Variants in NUP35 observed in about 807,000 individuals in gnomAD.
NUP35 encodes nucleoporin NUP35.
Under a neutral mutation model 41.5 loss-of-function variants are expected in NUP35, and 25 were observed. That is an observed-to-expected ratio of 0.60 (90% confidence interval 0.44 to 0.84). The LOEUF (loss-of-function observed/expected upper bound fraction) is 0.84. NUP35 is among the 40% of genes least tolerant of loss of function. NUP35 has a pLI of 0.00. For synonymous variants in NUP35, 149 were observed against 130.7 expected (o/e 1.14, Z -0.96); for missense variants, 396 against 396.6 (o/e 1.00, Z 0.01).
intron 1 of NUP35, among the ~76,000 whole-genome samples, chr2:183,127,037 A>T (rs1684514367): frequency 6.6e-6 from 1 of 152,208 alleles, no homozygotes; most frequent in South Asian, 2.1e-4. Context: ...CTGTTAGTGG[A>T]TGCTAGCTAT....
chr2:183,132,938 A>G (rs1442384657), intron 3 of NUP35, among the ~76,000 whole-genome samples: 2 of 152,186 alleles, frequency 1.3e-5, no homozygotes, highest in Admixed American at 6.5e-5. Context: ...TTTAATTAGA[A>G]TCTGTTTTAA....
rs376743272 is a variant in NUP35, at chr2:183,157,324, C to T, written c.540-120C>T. The T allele has an allele frequency of 1.8e-5, 14 of 774,810 alleles. No individual in the cohort carries two copies. In the East Asian group the frequency reaches 2.8e-4, roughly 15 times the overall value. The allele number at this position is 774,810 out of a possible 1,614,324, so 48.0% of individuals were successfully genotyped here. A position where few individuals can be genotyped will look rare whatever the true frequency, so the allele number is the denominator to read the frequency against. ...ATCGGGGAAAACAGGATGATCAGCA[C>T]TCTCCTGTTAACGTTCTAGACAGTT... On this transcript the variant is annotated intron_variant, in intron 5 of 8. Transcript: ENST00000295119.
At chr2:183,153,033 G>T (rs767041761) in intron 5 of NUP35, among the ~76,000 whole-genome samples, 1 of 152,192 alleles carries the variant, frequency 6.6e-6, no homozygotes. Context: ...TTACATGACG[G>T]TGTCAAGAGA....
chr2:183,121,396 G>C (rs374756361), upstream of NUP35, among the ~76,000 whole-genome samples: 3 of 152,244 alleles, frequency 2.0e-5, no homozygotes, highest in South Asian at 4.1e-4. Flanking sequence ...GGTAGGTGGA[G>C]GAGCAAGGCC....
chr2:183,154,012 G>T (rs1685561704), intron 5 of NUP35, among the ~76,000 whole-genome samples: 1 of 152,228 alleles, frequency 6.6e-6, no homozygotes, highest in Admixed American at 6.5e-5. Context: ...CCATGTGGAA[G>T]CTGCCAAGGC....
In NUP35 at chr2:183,130,963, A is replaced by G. The variant is rs943655471; in HGVS notation, c.339+418A>G. 7 of 1,218,362 alleles carry G rather than the reference A, an allele frequency of 5.7e-6. No homozygotes were observed. The African/African-American group carries it at 7.7e-5, about 13-fold the overall frequency. 75.5% of individuals were successfully genotyped at this position (1,218,362 alleles called of 1,614,324 possible). A position where few individuals can be genotyped will look rare whatever the true frequency, so the allele number is the denominator to read the frequency against. Reference sequence around the variant, plus strand: ...GGGCACTCGTCAGCTGAGAAGTAGTATGGACTTGTCTTTATTTTCTTCTTT... The same window carrying G: ...GGGCACTCGTCAGCTGAGAAGTAGTGTGGACTTGTCTTTATTTTCTTCTTT... On this transcript the variant is annotated intron_variant, in intron 3 of 8. Coordinates refer to ENST00000295119, the MANE Select transcript of NUP35 (RefSeq NM_138285.5).
At chr2:183,120,275 G>A (rs777285196), upstream of NUP35, among the ~76,000 whole-genome samples, 4 of 152,136 alleles carry the variant, frequency 2.6e-5, no homozygotes, top group South Asian at 4.2e-4. Flanking sequence ...GCAAAACCCT[G>A]TCTCTACTAA....
At chr2:183,124,539 T>C (rs768201424) in intron 1 of NUP35, 42 bp downstream of exon 1, 11 of 1,612,066 alleles carry the variant, frequency 6.8e-6, no homozygotes, top group Non-Finnish European at 9.3e-6. Context: ...CTGCCATCCA[T>C]GCTCTGGGCC....
intron 5 of NUP35, among the ~76,000 whole-genome samples, chr2:183,157,175 G>A (rs1243707227): frequency 6.6e-6 from 1 of 152,026 alleles, no homozygotes; most frequent in Non-Finnish European, 1.5e-5. Flanking sequence ...CTGGATAATG[G>A]CAACGAGAGT....
chr2:183,133,182 G>A (rs1344686110), intron 3 of NUP35, among the ~76,000 whole-genome samples: 24 of 152,016 alleles, frequency 1.6e-4, no homozygotes, highest in African/African-American at 7.2e-5. Context: ...AGTATCTGTT[G>A]AAAATCAAAT....
chr2:183,152,529 A>G (rs1048693072), intron 5 of NUP35, among the ~76,000 whole-genome samples: 2 of 152,284 alleles, frequency 1.3e-5, no homozygotes, highest in African/African-American at 2.4e-5. Flanking sequence ...GTGAGAACAT[A>G]TGATGTTTGG....
At chr2:183,132,583 A>G (rs1249947792) in intron 3 of NUP35, among the ~76,000 whole-genome samples, 1 of 152,112 alleles carries the variant, frequency 6.6e-6, no homozygotes, top group Non-Finnish European at 1.5e-5. Flanking sequence ...AAACTAAAAA[A>G]TTAAAAAATT....
intron 4 of NUP35, among the ~76,000 whole-genome samples, chr2:183,147,035 G>C (rs1242977481): frequency 6.6e-6 from 1 of 152,098 alleles, no homozygotes; most frequent in African/African-American, 2.4e-5. Context: ...GTCTTCTTTT[G>C]AGAAGTGCCT....
chr2:183,143,356 TA>T, intron 4 of NUP35, among the ~76,000 whole-genome samples: 1 of 152,080 alleles, frequency 6.6e-6, no homozygotes, highest in Non-Finnish European at 1.5e-5. Flanking sequence ...CTATTTGGAA[TA>T]AGTGTGTGCA....
intron 4 of NUP35, among the ~76,000 whole-genome samples, chr2:183,134,183 A>G (rs1018660414): frequency 1.3e-5 from 2 of 152,324 alleles, no homozygotes; most frequent in African/African-American, 4.8e-5. Context: ...AGTTCTTCAT[A>G]TGTCGTCATA....
chr2:183,156,156 T>C (rs1685658232), intron 5 of NUP35, among the ~76,000 whole-genome samples: 1 of 152,168 alleles, frequency 6.6e-6, no homozygotes. Flanking sequence ...TATGTTTTAT[T>C]TCTTAAGTAC....
At chr2:183,160,373 C>T (rs902177929) in intron 8 of NUP35, 6 of 152,092 alleles carry the variant, frequency 3.9e-5, no homozygotes, top group African/African-American at 1.4e-4. Context: ...TTCAGTGCAG[C>T]TTTTGTTATT....
rs747590153 is a variant in NUP35, at chr2:183,160,962, G to T, written c.904-92G>T. 5.8e-6 allele frequency: 5 copies of T among 863,442 alleles called. No homozygotes were observed. In the African/African-American group the frequency reaches 6.8e-5, roughly 12 times the overall value. The allele number at this position is 863,442 out of a possible 1,614,324, so 53.5% of individuals were successfully genotyped here. Reference sequence around the variant, plus strand: ...AATTTAGTGCTATAAATGCATTTTGGTGTTTCTCTTTTAAATGAGCAATTC... The same window carrying T: ...AATTTAGTGCTATAAATGCATTTTGTTGTTTCTCTTTTAAATGAGCAATTC... On this transcript the variant is annotated intron_variant, in intron 8 of 8. Transcript: ENST00000295119.
At chr2:183,128,965 C>T (rs1684598365) in intron 2 of NUP35, among the ~76,000 whole-genome samples, 1 of 152,096 alleles carries the variant, frequency 6.6e-6, no homozygotes, top group South Asian at 2.1e-4. Context: ...AAATATGACA[C>T]AATGCTAAGA....
Sources: allele counts gnomAD v4.1 joint callset (sites outside exome capture counted in the v4.1 genomes callset), GRCh38; gene constraint gnomAD v4.1.1; transcripts MANE v1.5; gene names NCBI Gene and HGNC (gene_info 2026-07-23, HGNC 2026-07-21).